The following MYLK variants were observed in gnomAD, a reference collection of about 807,000 sequenced individuals.
MYLK encodes myosin light chain kinase, smooth muscle.
Under a neutral mutation model 203.4 loss-of-function variants are expected in MYLK, and 106 were observed. The ratio of observed to expected loss-of-function variants is 0.52; its 90% CI spans 0.45 to 0.61. MYLK has a LOEUF of 0.61. Ranked by LOEUF, MYLK falls within the 20% of genes least tolerant of loss-of-function variation. The pLI, the probability that MYLK is intolerant of heterozygous loss-of-function variation, is 0.00. For synonymous variants in MYLK, 867 were observed against 959.5 expected (o/e 0.90, Z 1.78); for missense variants, 2,072 against 2,442.3 (o/e 0.85, Z 3.20).
chr3:123,779,176 G>A lies in MYLK; in HGVS notation c.165+14501C>T, dbSNP rs554453043. Among the ~76,000 whole-genome samples the A allele has an allele frequency of 3.3e-5, 5 of 152,328 alleles. No individual in the cohort carries two copies. In the South Asian group the frequency reaches 1.0e-3, roughly 32 times the overall value. On this transcript the variant is annotated intron_variant, in intron 4 of 33. Transcript: ENST00000360304. ...GCCACAGCAGCTCTCCTGTCCTCTA[G>A]CTCAACAGAGTATGGCATTTGATGG...
At chr3:123,859,957 C>A (rs559380759) in intron 2 of MYLK, among the ~76,000 whole-genome samples, 101 of 149,136 alleles carry the variant, frequency 6.8e-4, no homozygotes, top group Non-Finnish European at 1.1e-3. Context: ...TATTTTCAGA[C>A]GCAGTTAGAA....
chr3:123,667,043 G>C, intron 21 of MYLK, 94 bp downstream of exon 21: 1 of 1,178,280 alleles, frequency 8.5e-7, no homozygotes. Context: ...GTGTCTCCTG[G>C]GATCACATAC....
intron 3 of MYLK, among the ~76,000 whole-genome samples, chr3:123,828,985 T>C (rs2066231285): frequency 6.6e-6 from 1 of 152,152 alleles, no homozygotes; most frequent in Admixed American, 6.5e-5. Context: ...GAAACTCATA[T>C]ACTCTTGGTG....
chr3:123,772,227 A>C, intron 4 of MYLK, among the ~76,000 whole-genome samples: 1 of 152,190 alleles, frequency 6.6e-6, no homozygotes, highest in East Asian at 1.9e-4. Flanking sequence ...ATATGATTAG[A>C]TATGGAATGT....
rs148033472 is a variant in MYLK at position 123,700,265 on chromosome 3, T to C, written c.3203A>G (p.Lys1068Arg). ...NLKSASKEEL[K>R]KDVKNDVNCK... is the part of the protein sequence containing the mutation. ...GTTCACATCATTCTTAACGTCTTTC[T>C]TGAGTTCTTCTTTGCTAGCGGATTT... The change falls in exon 18 of 34, where the codon AAG becomes AGG. Residue 1068 changes from lysine to arginine, a missense_variant. Coordinates refer to ENST00000360304, the MANE Select transcript of MYLK (RefSeq NM_053025.4). The C allele has an allele frequency of 2.9e-5, 46 of 1,612,108 alleles. No individual in the cohort carries two copies. The highest frequency in any genetic ancestry group is 3.7e-5 in the Non-Finnish European group (44 of 1,180,000).
intron 4 of MYLK, among the ~76,000 whole-genome samples, chr3:123,780,476 C>T (rs1439393733): frequency 6.6e-6 from 1 of 152,060 alleles, no homozygotes; most frequent in Non-Finnish European, 1.5e-5. Context: ...TTTATGAAAC[C>T]ATGTTATGTT....
intron 2 of MYLK, among the ~76,000 whole-genome samples, chr3:123,837,872 C>G (rs1030646473): frequency 6.6e-6 from 1 of 150,548 alleles, no homozygotes; most frequent in African/African-American, 2.4e-5. Context: ...AACTAAAACA[C>G]AAAGAAATAA....
chr3:123,700,683 G>C lies in MYLK; in HGVS notation c.2785C>G (p.Leu929Val). 1 of 1,614,132 alleles carries C rather than the reference G, an allele frequency of 6.2e-7. No individual in the cohort carries two copies. The highest frequency in any genetic ancestry group is 8.5e-7 in the Non-Finnish European group (1 of 1,180,038). Residue 929 changes from leucine (L) to valine (V), a missense_variant, in exon 18 of 34, where the codon CTG becomes GTG. Around this residue, in one of 3 missense-constraint regions of MYLK, gnomAD observed 865 missense variants for 1,016.0 expected, o/e 0.85. Coordinates refer to ENST00000360304, the MANE Select transcript of MYLK (RefSeq NM_053025.4). Reference sequence around the variant, plus strand: ...GTCTTTGGCTTCACTTGCCGCTGCAGGTTGGCACGGAAATCCATCTGCTCG... The same window carrying C: ...GTCTTTGGCTTCACTTGCCGCTGCACGTTGGCACGGAAATCCATCTGCTCG... ...PAEQMDFRAN[L>V]QRQVKPKTVS...
chr3:123,628,239 T>G (rs1320235719), intron 30 of MYLK, among the ~76,000 whole-genome samples: 1 of 151,954 alleles, frequency 6.6e-6, no homozygotes, highest in Non-Finnish European at 1.5e-5. Flanking sequence ...GAGAGTGGGG[T>G]GCATCACAGG....
chr3:123,664,369 G>A, intron 22 of MYLK, 111 bp from the exon 23 acceptor site: 3 of 1,472,464 alleles, frequency 2.0e-6, no homozygotes, highest in African/African-American at 1.4e-5. Flanking sequence ...GACAAGCTGT[G>A]GGGGGGCTCA....
At chr3:123,707,203 A>C (rs1297199693) in intron 16 of MYLK, among the ~76,000 whole-genome samples, 2 of 152,094 alleles carry the variant, frequency 1.3e-5, no homozygotes, top group African/African-American at 4.8e-5. Context: ...CCCACCTACA[A>C]CCAGTGAGGA....
rs146983741 is a variant in MYLK, at chr3:123,806,250, T to C, written c.-3-12406A>G. On this transcript the variant is annotated intron_variant, in intron 3 of 33. Coordinates refer to ENST00000360304, the MANE Select transcript of MYLK (RefSeq NM_053025.4). ...CAGCGATGAAAGAGAACCTAAATCA[T>C]GTAGTCCGCTCCCTTATTTTATGGA... Among the ~76,000 whole-genome samples the C allele has an allele frequency of 5.1e-3, 783 of 152,330 alleles. 7 individuals carry two copies. The highest frequency in any genetic ancestry group is 0.018 in the African/African-American group (745 of 41,578).
intron 2 of MYLK, among the ~76,000 whole-genome samples, chr3:123,866,411 G>A (rs2032329509): frequency 6.6e-6 from 1 of 152,172 alleles, no homozygotes; most frequent in Admixed American, 6.5e-5. Flanking sequence ...TACGTATGGA[G>A]TGCCTGGTAT....
chr3:123,794,542 G>A (rs1267655543), intron 3 of MYLK, among the ~76,000 whole-genome samples: 1 of 152,126 alleles, frequency 6.6e-6, no homozygotes. Context: ...GAAGCCCAGA[G>A]AGGGTAAGTC....
chr3:123,677,918 T>TATATATATACAC lies in MYLK; in HGVS notation c.3652+4305_3652+4306insGTGTATATATAT, dbSNP rs1273803739. Among the ~76,000 whole-genome samples the TATATATATACAC allele has an allele frequency of 1.5e-3, 116 of 78,820 alleles. 1 individual carries two copies. In the East Asian group the frequency reaches 0.029, roughly 20 times the overall value. 51.7% of individuals were successfully genotyped at this position (78,820 alleles called of 152,430 possible). On this transcript the variant is annotated intron_variant, in intron 20 of 33. Coordinates refer to ENST00000360304, the MANE Select transcript of MYLK (RefSeq NM_053025.4). ...ATATATATATATATATATATATATATACACACACACACACACAGAGTACAT... is the reference window on the plus strand; with the variant it reads ...ATATATATATATATATATATATATATATATATATACACACACACACACACACACAGAGTACAT...
At chr3:123,658,447 C>A (rs1209855748) in intron 23 of MYLK, among the ~76,000 whole-genome samples, 2 of 152,170 alleles carry the variant, frequency 1.3e-5, no homozygotes, top group African/African-American at 4.8e-5. Flanking sequence ...CAAAACTCTC[C>A]TATTTTTCAG....
At chr3:123,861,460 T>C (rs867148113) in intron 2 of MYLK, among the ~76,000 whole-genome samples, 1 of 152,240 alleles carries the variant, frequency 6.6e-6, no homozygotes. Context: ...AGTGCTGCCC[T>C]CACAGTGAAC....
At chr3:123,804,366 A>C (rs2065297969) in intron 3 of MYLK, among the ~76,000 whole-genome samples, 1 of 152,042 alleles carries the variant, frequency 6.6e-6, no homozygotes, top group South Asian at 2.1e-4. Context: ...AAGGAGAGGG[A>C]GTAAAAAGGG....
intron 18 of MYLK, among the ~76,000 whole-genome samples, chr3:123,698,578 G>A (rs1345651650): frequency 6.6e-6 from 1 of 152,240 alleles, no homozygotes; most frequent in Non-Finnish European, 1.5e-5. Flanking sequence ...CCATGCCTCA[G>A]GGGAGGGGGG....
Sources: allele counts gnomAD v4.1 joint callset (sites outside exome capture counted in the v4.1 genomes callset), GRCh38; gene constraint gnomAD v4.1.1; regional missense constraint gnomAD v4.1.1; transcripts MANE v1.5; gene names NCBI Gene and HGNC (gene_info 2026-07-23, HGNC 2026-07-21).